The following PLOD2 variants were observed in gnomAD, a reference collection of about 807,000 sequenced individuals.
PLOD2 encodes the protein procollagen-lysine,2-oxoglutarate 5-dioxygenase 2, also known as lysine hydroxylase 2.
In PLOD2, 65 loss-of-function variants were observed where a neutral mutation model predicts 101.0. The ratio of observed to expected loss-of-function variants is 0.64; its 90% confidence interval spans 0.53 to 0.79. PLOD2 has a LOEUF of 0.79. PLOD2 is among the 30% of genes least tolerant of loss of function. The pLI is 0.00. For missense variants in PLOD2, 909 were observed against 914.6 expected, an observed-to-expected ratio of 0.99 and a Z score of 0.08; for synonymous variants, 314 against 302.9, an observed-to-expected ratio of 1.04 and a Z score of -0.38.
chr3:146,075,459 G>A (rs566049615), intron 15 of PLOD2, among the ~76,000 whole-genome samples: 37 of 109,222 alleles, frequency 3.4e-4, no homozygotes, highest in Admixed American at 6.6e-4. Flanking sequence ...AACACAAAAG[G>A]AGCTAATTAC....
At chr3:146,079,953 T>C (rs578032435) in intron 12 of PLOD2, among the ~76,000 whole-genome samples, 2 of 152,108 alleles carry the variant, frequency 1.3e-5, no homozygotes, top group South Asian at 2.1e-4. Context: ...CTTTCCCACA[T>C]CTATATTCTC....
At position 146,070,304 on chromosome 3, in the gene PLOD2, A is replaced by G. The variant is rs1013221772; in HGVS notation, c.*413T>C. The G allele has an allele frequency of 6.5e-6, 1 of 154,360 alleles. No individual in the cohort carries two copies. Among genetic ancestry groups the G allele is most frequent in the Non-Finnish European group, 1.4e-5 (1 of 69,710 alleles). The allele number at this position is 154,360 out of a possible 1,614,324, so 9.6% of individuals were successfully genotyped here. Reference sequence around the variant, plus strand: ...AAGGTTTTACAACATGGTAATTTTCATTTATATCCATTTTGTCTACATTTC... The same window carrying G: ...AAGGTTTTACAACATGGTAATTTTCGTTTATATCCATTTTGTCTACATTTC... On this transcript the variant is annotated 3_prime_UTR_variant, in exon 20 of 20. Coordinates refer to ENST00000282903, the MANE Select transcript of PLOD2 (RefSeq NM_182943.3).
At chr3:146,139,474 C>A (rs575886553) in intron 1 of PLOD2, among the ~76,000 whole-genome samples, 4 of 152,134 alleles carry the variant, frequency 2.6e-5, no homozygotes, top group Admixed American at 2.0e-4. Context: ...CAAATCTCCA[C>A]AATTTATCTT....
At chr3:146,110,181 G>A (rs1937602835) in intron 4 of PLOD2, 104 bp downstream of exon 4, 1 of 942,412 alleles carries the variant, frequency 1.1e-6, no homozygotes, top group Non-Finnish European at 1.7e-6. Context: ...AATAAAATAA[G>A]GGTTATTTAA....
At chr3:146,107,563 AATGAAAAC>A (rs202100856) in intron 4 of PLOD2, among the ~76,000 whole-genome samples, 1,522 of 152,018 alleles carry the variant, frequency 0.01, 33 homozygotes, top group African/African-American at 0.035. Context: ...AAAAAGAAAA[AATGAAAAC>A]ATGACCAAAA....
At chr3:146,108,350 T>TA (rs898461332) in intron 4 of PLOD2, among the ~76,000 whole-genome samples, 10 of 151,580 alleles carry the variant, frequency 6.6e-5, no homozygotes, top group South Asian at 2.1e-4. Flanking sequence ...CCAGATAATT[T>TA]AAAAAAAAAT....
intron 3 of PLOD2, among the ~76,000 whole-genome samples, chr3:146,117,703 T>G (rs1266125666): frequency 6.6e-6 from 1 of 152,060 alleles, no homozygotes; most frequent in Non-Finnish European, 1.5e-5. Context: ...TGTCAGAAAT[T>G]TTATCTGTTT....
At chr3:146,073,231 TTTC>T (rs1164294171) in intron 16 of PLOD2, 53 bp downstream of exon 16, 2 of 692,746 alleles carry the variant, frequency 2.9e-6, no homozygotes, top group Non-Finnish European at 5.0e-6. Context: ...ATTAATAATA[TTTC>T]TTCTGGAAAA....
chr3:146,096,122 C>T (rs959653938), intron 7 of PLOD2, among the ~76,000 whole-genome samples: 4 of 150,590 alleles, frequency 2.7e-5, no homozygotes, highest in Non-Finnish European at 5.9e-5. Context: ...CTCCTAACTG[C>T]GAGTGATCCG....
rs780062874 is a variant in PLOD2, at chr3:146,071,059, C to A, written c.2104G>T (p.Val702Leu). The A allele has an allele frequency of 1.9e-5, 30 of 1,607,456 alleles. No individual in the cohort carries two copies. The highest frequency in any genetic ancestry group is 2.5e-5 in the Non-Finnish European group (29 of 1,174,888). The change falls in exon 19 of 20, where the codon GTG becomes TTG. Residue 702 changes from valine to leucine, a missense_variant. Val to Leu is a conservative substitution (Grantham distance 32). Coordinates refer to ENST00000282903, the MANE Select transcript of PLOD2 (RefSeq NM_182943.3). ...TFTINIALNN[V>L]GEDFQGGGCK... ...ATAATTACCTGAAAGTCTTCTCCCA[C>A]GTTATTAAGTGCAATGTTTATGGTA...
intron 9 of PLOD2, among the ~76,000 whole-genome samples, chr3:146,087,389 C>T (rs1936817527): frequency 6.6e-6 from 1 of 151,502 alleles, no homozygotes; most frequent in African/African-American, 2.4e-5. Context: ...CCTTTGAAAC[C>T]AGAGAGTAAA....
chr3:146,093,442 T>G (rs1199316065), intron 7 of PLOD2, among the ~76,000 whole-genome samples: 1 of 152,188 alleles, frequency 6.6e-6, no homozygotes. Flanking sequence ...TAATGTGTCT[T>G]GATAATAAAA....
At chr3:146,148,583 C>G (rs2864794) in intron 1 of PLOD2, among the ~76,000 whole-genome samples, 22,750 of 152,098 alleles carry the variant, frequency 0.15, 1,795 homozygotes, top group East Asian at 0.24. Flanking sequence ...TCTGCATTTA[C>G]CCTAGTATTT....
At chr3:146,075,405 T>C (rs1344386109) in intron 15 of PLOD2, among the ~76,000 whole-genome samples, 1 of 145,480 alleles carries the variant, frequency 6.9e-6, no homozygotes, top group Non-Finnish European at 1.5e-5. Context: ...GCATTTTCCC[T>C]TGAATAAGTG....
chr3:146,086,738 G>T, intron 10 of PLOD2, 49 bp downstream of exon 10: 1 of 1,238,686 alleles, frequency 8.1e-7, no homozygotes, highest in Non-Finnish European at 1.1e-6. Flanking sequence ...TTTTCTTAAC[G>T]TTTCCTTAGT....
At chr3:146,091,077 T>C (rs1194866764) in intron 8 of PLOD2, among the ~76,000 whole-genome samples, 2 of 151,870 alleles carry the variant, frequency 1.3e-5, no homozygotes, top group African/African-American at 4.8e-5. Flanking sequence ...AATGAATATT[T>C]TCAACTCTTT....
chr3:146,156,310 C>A (rs1015546072), intron 1 of PLOD2, among the ~76,000 whole-genome samples: 1 of 152,164 alleles, frequency 6.6e-6, no homozygotes, highest in Non-Finnish European at 1.5e-5. Flanking sequence ...AGGCAAGGTT[C>A]GGCAAAGTTT....
At chr3:146,121,858 A>G (rs946507005) in intron 2 of PLOD2, among the ~76,000 whole-genome samples, 1 of 152,114 alleles carries the variant, frequency 6.6e-6, no homozygotes, top group Non-Finnish European at 1.5e-5. Flanking sequence ...CTTTCTCTTC[A>G]CTATTTGCTT....
rs16857916 is a variant in PLOD2 at position 146,118,860 on chromosome 3, G to A, written c.338+2252C>T. Among the ~76,000 whole-genome samples, 949 of 152,128 alleles carry A rather than the reference G, an allele frequency of 6.2e-3. 6 individuals carry two copies. The highest frequency in any genetic ancestry group is 0.022 in the African/African-American group (907 of 41,484). ...TTAACCAGAATCCATTAAGTTACCCGTCTCAATAGTAAAGCTCACTATGAT... is the reference window on the plus strand; with the variant it reads ...TTAACCAGAATCCATTAAGTTACCCATCTCAATAGTAAAGCTCACTATGAT... On this transcript the variant is annotated intron_variant, in intron 3 of 19. Transcript: ENST00000282903.
Sources: gnomAD v4.1 joint callset for allele counts (sites outside exome capture counted in the v4.1 genomes callset) on GRCh38, gnomAD v4.1.1 for gene constraint, MANE v1.5 for transcripts, NCBI Gene and HGNC (gene_info 2026-07-23, HGNC 2026-07-21) for gene names.